Variants in KCNQ2 observed in about 807,000 individuals in gnomAD.
The protein encoded by KCNQ2 is potassium voltage-gated channel subfamily KQT member 2.
Under a neutral mutation model 84.8 loss-of-function variants are expected in KCNQ2, and 14 were observed. The ratio of observed to expected loss-of-function variants is 0.17; its 90% CI spans 0.11 to 0.26. The LOEUF (loss-of-function observed/expected upper bound fraction) is 0.26. KCNQ2 is among the 10% of genes least tolerant of loss of function. KCNQ2 has a pLI of 1.00. For missense variants in KCNQ2, 788 were observed against 1,254.0 expected (o/e 0.63, Z 5.61); for synonymous variants, 599 against 554.1 (o/e 1.08, Z -1.14).
intron 11 of KCNQ2, among the ~76,000 whole-genome samples, chr20:63,423,296 A>G (rs1389724036): frequency 6.6e-6 from 1 of 152,138 alleles, no homozygotes; most frequent in African/African-American, 2.4e-5. Flanking sequence ...GTGTCTCGCC[A>G]GCTGTCACCC....
At chr20:63,419,232 G>A (rs773708587) in intron 12 of KCNQ2, among the ~76,000 whole-genome samples, 2 of 151,752 alleles carry the variant, frequency 1.3e-5, no homozygotes, top group East Asian at 1.9e-4. Flanking sequence ...TCCCGCGGTC[G>A]AGGCAGCCAG....
rs565996327 is a variant in KCNQ2 at position 63,425,625 on chromosome 20, G to C, written c.1218-1419C>G. On this transcript the variant is annotated intron_variant, in intron 10 of 16. Coordinates refer to ENST00000359125, the MANE Select transcript of KCNQ2 (RefSeq NM_172107.4). The surrounding 1 kb of genome is among the most constrained non-coding windows in gnomAD (Gnocchi z 5.5). ...ATCCCAGGTACTCGGGAGGTTGAGG[G>C]AGGAGAATCACTTGAACCCAGGAGG... 6.6e-6 allele frequency among the ~76,000 whole-genome samples: 1 copy of C among 152,180 alleles called. No individual in the cohort carries two copies. The highest frequency in any genetic ancestry group is 2.1e-4 in the South Asian group (1 of 4,820).
At chr20:63,467,708 C>T (rs950496917) in intron 1 of KCNQ2, among the ~76,000 whole-genome samples, 1 of 152,232 alleles carries the variant, frequency 6.6e-6, no homozygotes, top group African/African-American at 2.4e-5. Context: ...TTAAGCCACT[C>T]TCCACCACTG....
intron 4 of KCNQ2, among the ~76,000 whole-genome samples, chr20:63,442,737 CCACCATCACCACCAT>C (rs1568934155): frequency 5.8e-4 from 14 of 24,166 alleles, no homozygotes; most frequent in African/African-American, 2.5e-3. Flanking sequence ...ATCACCACCT[CCACCATCACCACCAT>C]CACCATCACC....
At chr20:63,456,699 G>A (rs1236759772) in intron 1 of KCNQ2, among the ~76,000 whole-genome samples, 2 of 152,178 alleles carry the variant, frequency 1.3e-5, no homozygotes, top group Non-Finnish European at 2.9e-5. Flanking sequence ...CGGGAAAACA[G>A]AGGCTCCGGA....
At chr20:63,431,430 TAAGAAA>T (rs1481264011) in intron 8 of KCNQ2, 61 bp from the exon 9 acceptor site, 1 of 1,563,684 alleles carries the variant, frequency 6.4e-7, no homozygotes, top group East Asian at 2.2e-5. Flanking sequence ...AAGAACGGGA[TAAGAAA>T]AAGAAAATGA....
chr20:63,466,000 T>G (rs1165620657), intron 1 of KCNQ2, among the ~76,000 whole-genome samples: 1 of 152,124 alleles, frequency 6.6e-6, no homozygotes, highest in Non-Finnish European at 1.5e-5. Flanking sequence ...ACTAGAAGCT[T>G]GCACTGCAGC....
At chr20:63,409,627 G>T (rs2145505645) in intron 15 of KCNQ2, among the ~76,000 whole-genome samples, 1 of 152,356 alleles carries the variant, frequency 6.6e-6, no homozygotes, top group South Asian at 2.1e-4. Context: ...CCCAGGAGAG[G>T]CCACAAGCTC....
Position 63,414,248 on chromosome 20 carries a change from C to G in KCNQ2, c.1526-55G>C, listed in dbSNP as rs924707309. The G allele has an allele frequency of 1.5e-6, 2 of 1,330,126 alleles. No homozygotes were observed. The highest frequency in any genetic ancestry group is 2.9e-5 in the African/African-American group (2 of 69,274). The allele number at this position is 1,330,126 out of a possible 1,614,324, so 82.4% of individuals were successfully genotyped here. ...CCGAGGGGGCCGGGAGACCTATTCC[C>G]GGGGTCCTGCAGGGCACACCGGCTA... On this transcript the variant is annotated intron_variant, in intron 13 of 16. Transcript: ENST00000359125. This position sits in a 1 kb window ranked among gnomAD's most constrained non-coding sequence, Gnocchi z 6.6.
At chr20:63,441,407 G>A (rs547186457) in intron 5 of KCNQ2, among the ~76,000 whole-genome samples, 7 of 152,114 alleles carry the variant, frequency 4.6e-5, no homozygotes, top group African/African-American at 7.2e-5. Context: ...GGACCCAGAG[G>A]GGAGGGCACC....
chr20:63,410,465 A>T (rs1027055552), intron 15 of KCNQ2, among the ~76,000 whole-genome samples: 1 of 152,194 alleles, frequency 6.6e-6, no homozygotes, highest in Non-Finnish European at 1.5e-5. Flanking sequence ...TCCTAGCCAC[A>T]AGACCGTCCG....
In KCNQ2 at chr20:63,414,945, C is replaced by T; in HGVS notation, c.1483G>A (p.Ala495Thr). ...GACGCGGCACCCTTGATGCGGAAAG[C>T]CTGGCGTGCCCGGCTGCGGTCCCCG... ...SFGDRSRARQ[A>T]FRIKGAASRQ... Residue 495 changes from alanine to threonine, a missense_variant, in exon 13 of 17, where the codon GCT (alanine) becomes ACT (threonine). Coordinates refer to ENST00000359125, the MANE Select transcript of KCNQ2 (RefSeq NM_172107.4). This position sits in a 1 kb window ranked among gnomAD's most constrained non-coding sequence, Gnocchi z 6.6. The T allele has an allele frequency of 6.2e-7, 1 of 1,612,694 alleles. No individual in the cohort carries two copies. Among genetic ancestry groups the T allele is most frequent in the Non-Finnish European group, 8.5e-7 (1 of 1,179,952 alleles).
chr20:63,463,213 A>G (rs1169677946), intron 1 of KCNQ2, among the ~76,000 whole-genome samples: 1 of 152,092 alleles, frequency 6.6e-6, no homozygotes, highest in Admixed American at 6.5e-5. Context: ...AGTGAGCTAC[A>G]ATCACACCAC....
chr20:63,424,259 G>A (rs2080563268), intron 10 of KCNQ2, 53 bp from the exon 11 acceptor site: 3 of 1,548,324 alleles, frequency 1.9e-6, no homozygotes, highest in Non-Finnish European at 2.6e-6. Flanking sequence ...CACCCATGAG[G>A]GTCCCCCAAC....
chr20:63,423,787 C>T (rs375668722), intron 11 of KCNQ2: 5 of 267,092 alleles, frequency 1.9e-5, no homozygotes, highest in African/African-American at 8.9e-5. Flanking sequence ...GCTTTCACCC[C>T]AGCCGGCGTC....
chr20:63,441,356 C>T (rs1295320385), intron 5 of KCNQ2, among the ~76,000 whole-genome samples: 1 of 151,916 alleles, frequency 6.6e-6, no homozygotes, highest in Admixed American at 6.6e-5. Flanking sequence ...ATCAGGTAAA[C>T]CCCAAAGAAA....
chr20:63,417,848 G>A (rs559780239), intron 12 of KCNQ2, among the ~76,000 whole-genome samples: 7 of 152,270 alleles, frequency 4.6e-5, no homozygotes, highest in African/African-American at 1.4e-4. Flanking sequence ...TGCTGGACCC[G>A]ATGCCCAGCA....
intron 9 of KCNQ2, 85 bp from the exon 10 acceptor site, chr20:63,428,520 C>A: frequency 8.6e-7 from 1 of 1,165,926 alleles, no homozygotes; most frequent in South Asian, 1.3e-5. Context: ...GCTCCATGGG[C>A]AGGCGCCTGC....
intron 12 of KCNQ2, among the ~76,000 whole-genome samples, chr20:63,418,125 C>T (rs1370575343): frequency 6.6e-6 from 1 of 152,214 alleles, no homozygotes; most frequent in African/African-American, 2.4e-5. Context: ...CACCCGACCC[C>T]GCCAGCCTGC....
Sources: gnomAD v4.1 joint callset for allele counts (sites outside exome capture counted in the v4.1 genomes callset) on GRCh38, gnomAD v4.1.1 for gene constraint, Gnocchi (gnomAD v3.1) non-coding constraint, MANE v1.5 for transcripts, NCBI Gene and HGNC (gene_info 2026-07-23, HGNC 2026-07-21) for gene names.